The following TRAPPC9 variants were observed in gnomAD, a reference collection of about 807,000 sequenced individuals.
The protein encoded by TRAPPC9 is trafficking protein particle complex subunit 9.
Under a neutral mutation model 124.0 loss-of-function variants are expected in TRAPPC9, and 83 were observed. The ratio of observed to expected loss-of-function variants is 0.67; its 90% CI spans 0.56 to 0.80. TRAPPC9 has a LOEUF of 0.80. Among genes scored for constraint, TRAPPC9 ranks in the 30% least tolerant of loss-of-function variants. The pLI is 0.00. For missense variants in TRAPPC9, 1,302 were observed against 1,508.3 expected (o/e 0.86, Z 2.27); for synonymous variants, 638 against 617.5 (o/e 1.03, Z -0.49).
intron 17 of TRAPPC9, among the ~76,000 whole-genome samples, chr8:140,165,566 G>A (rs1047629709): frequency 3.6e-5 from 5 of 138,606 alleles, no homozygotes; most frequent in African/African-American, 1.1e-4. Flanking sequence ...GAAAGGGAAG[G>A]GAAGAGGAGG....
Position 140,266,441 on chromosome 8 carries a change from C to T in TRAPPC9, c.2278+9217G>A, listed in dbSNP as rs987848611. ...TTGTACCACTGCACTCCAGCCTGGG[C>T]GACAGAGTGAGACTCTGTCTAACAA... On this transcript the variant is annotated intron_variant, in intron 15 of 22. Transcript: ENST00000438773. 8.5e-4 allele frequency among the ~76,000 whole-genome samples: 124 copies of T among 146,708 alleles called. 1 individual carries two copies. Among genetic ancestry groups the T allele is most frequent in the African/African-American group, 3.1e-3 (121 of 39,632 alleles).
At chr8:140,311,626 A>G (rs1296103316) in intron 9 of TRAPPC9, among the ~76,000 whole-genome samples, 2 of 152,180 alleles carry the variant, frequency 1.3e-5, no homozygotes, top group African/African-American at 2.4e-5. Context: ...GGAGACTTCC[A>G]TTTTCCAAGA....
In TRAPPC9 at chr8:140,413,256, G is replaced by A. The variant is rs139797324; in HGVS notation, c.887-7558C>T. On this transcript the variant is annotated intron_variant, in intron 5 of 22. Transcript: ENST00000438773. ...ATACAAAAATTAGTTGGGTGTGGTG[G>A]CACATGCCTGTAATCCCAGCTACTC... Among the ~76,000 whole-genome samples, 7 of 152,234 alleles carry A rather than the reference G, an allele frequency of 4.6e-5. No individual in the cohort carries two copies. In the East Asian group the frequency reaches 1.2e-3, roughly 25 times the overall value.
At chr8:139,891,836 C>T (rs773583567) in intron 20 of TRAPPC9, among the ~76,000 whole-genome samples, 2 of 152,164 alleles carry the variant, frequency 1.3e-5, no homozygotes, top group Non-Finnish European at 2.9e-5. Context: ...ACGTGCTCAG[C>T]GATTTAACGT....
At chr8:139,949,404 C>T (rs1189982568) in intron 19 of TRAPPC9, among the ~76,000 whole-genome samples, 1 of 152,102 alleles carries the variant, frequency 6.6e-6, no homozygotes, top group Non-Finnish European at 1.5e-5. Flanking sequence ...AGGAGACATC[C>T]GTGGGCAATG....
At chr8:139,764,076 G>A (rs1485396925) in intron 21 of TRAPPC9, among the ~76,000 whole-genome samples, 1 of 152,196 alleles carries the variant, frequency 6.6e-6, no homozygotes, top group African/African-American at 2.4e-5. Flanking sequence ...AAGGGCCTTG[G>A]GAGGAGGGAG....
chr8:139,804,733 CCA>C (rs1823917456), intron 21 of TRAPPC9, among the ~76,000 whole-genome samples: 1 of 146,340 alleles, frequency 6.8e-6, no homozygotes, highest in African/African-American at 2.6e-5. Flanking sequence ...CCAAGCACCA[CCA>C]CCACCACCAC....
intron 17 of TRAPPC9, among the ~76,000 whole-genome samples, chr8:140,213,972 C>T (rs1047896180): frequency 2.6e-5 from 4 of 152,222 alleles, no homozygotes; most frequent in African/African-American, 9.7e-5. Context: ...GTTCCAGCCA[C>T]TTGGAATGCT....
chr8:139,870,724 C>T (rs1171045706), intron 21 of TRAPPC9, among the ~76,000 whole-genome samples: 1 of 152,226 alleles, frequency 6.6e-6, no homozygotes, highest in Non-Finnish European at 1.5e-5. Flanking sequence ...TCTGCAGACA[C>T]AACCAGAAAT....
intron 15 of TRAPPC9, among the ~76,000 whole-genome samples, chr8:140,267,600 A>G (rs2064725444): frequency 6.6e-6 from 1 of 152,168 alleles, no homozygotes; most frequent in Admixed American, 6.5e-5. Context: ...AAACTCCATG[A>G]AGTACCACTC....
At chr8:140,129,005 T>TATATATTA (rs1563783126) in intron 17 of TRAPPC9, among the ~76,000 whole-genome samples, 3 of 134,726 alleles carry the variant, frequency 2.2e-5, no homozygotes, top group Non-Finnish European at 4.7e-5. Flanking sequence ...ATATATATAT[T>TATATATTA]AAAAAAAAAA....
chr8:140,393,480 A>T (rs764603559), intron 7 of TRAPPC9, among the ~76,000 whole-genome samples: 1 of 152,238 alleles, frequency 6.6e-6, no homozygotes, highest in African/African-American at 2.4e-5. Context: ...ATAGATAATT[A>T]TCATAAACCA....
chr8:140,399,109 G>A (rs2069177903), intron 6 of TRAPPC9, among the ~76,000 whole-genome samples: 1 of 152,258 alleles, frequency 6.6e-6, no homozygotes. Flanking sequence ...GTCAATAACT[G>A]AAGTTTGGGA....
intron 21 of TRAPPC9, among the ~76,000 whole-genome samples, chr8:139,851,335 C>G (rs1827442132): frequency 6.6e-6 from 1 of 152,196 alleles, no homozygotes. Flanking sequence ...CTACTTTCAA[C>G]TGGAATTCAG....
chr8:139,770,484 A>G (rs1414500536), intron 21 of TRAPPC9, among the ~76,000 whole-genome samples: 2 of 152,238 alleles, frequency 1.3e-5, no homozygotes, highest in Non-Finnish European at 2.9e-5. Context: ...AAGGTTCCAC[A>G]GGGAGCTGCT....
rs1373612424 is a variant in TRAPPC9 at position 139,910,243 on chromosome 8, C to T, written c.2868G>A (p.Glu956=). The change falls in exon 20 of 23, where the codon GAG becomes GAA. Residue 956 remains glutamate (E), a synonymous_variant. Coordinates refer to ENST00000438773, the MANE Select transcript of TRAPPC9 (RefSeq NM_001160372.4). The stretch of plus-strand genomic sequence containing the variant: ...GCTTGGGGTTTGCAAATTGCCCCTT[C>T]TCCCCAGGGGACTCCGGGAAACTCT... ...NFESFPESPG[E]KGQFANPKQL... is the part of the protein sequence containing the mutation. The T allele has an allele frequency of 1.2e-6, 2 of 1,614,048 alleles. No homozygotes were observed. Among genetic ancestry groups the T allele is most frequent in the African/African-American group, 1.3e-5 (1 of 74,922 alleles).
intron 19 of TRAPPC9, among the ~76,000 whole-genome samples, chr8:139,948,630 G>GT (rs1480245309): frequency 6.6e-6 from 1 of 152,114 alleles, no homozygotes; most frequent in Non-Finnish European, 1.5e-5. Flanking sequence ...ACCTTCAAAT[G>GT]TAAAATTCTT....
intron 17 of TRAPPC9, among the ~76,000 whole-genome samples, chr8:140,153,173 G>C (rs956033719): frequency 6.6e-6 from 1 of 152,160 alleles, no homozygotes; most frequent in African/African-American, 2.4e-5. Context: ...AAAATGCAAA[G>C]CTCATGATGT....
rs563039799 is a variant in TRAPPC9 at position 140,104,379 on chromosome 8, C to G, written c.2557-80300G>C. Among the ~76,000 whole-genome samples, 1 of 152,228 alleles carries G rather than the reference C, an allele frequency of 6.6e-6. No homozygotes were observed. ...CTCGGGAGGGAGAAATATGAGGCAACATGGAATATCATCAGGAATAAAGAT... is the reference window on the plus strand; with the variant it reads ...CTCGGGAGGGAGAAATATGAGGCAAGATGGAATATCATCAGGAATAAAGAT... On this transcript the variant is annotated intron_variant, in intron 17 of 22. Coordinates refer to ENST00000438773, the MANE Select transcript of TRAPPC9 (RefSeq NM_001160372.4). The surrounding 1 kb of genome is among the most constrained non-coding windows in gnomAD (Gnocchi z 4.0).
Sources: gnomAD v4.1 joint callset for allele counts (sites outside exome capture counted in the v4.1 genomes callset) on GRCh38, gnomAD v4.1.1 for gene constraint, Gnocchi (gnomAD v3.1) non-coding constraint, MANE v1.5 for transcripts, NCBI Gene and HGNC (gene_info 2026-07-23, HGNC 2026-07-21) for gene names.